Variants in ANKRD31 observed in about 807,000 individuals in gnomAD.
The protein encoded by ANKRD31 is ankyrin repeat domain 31, also known as ankyrin repeat domain-containing protein 31.
ANKRD31 carries 147 observed loss-of-function variants against 186.0 expected under a neutral mutation model. That is an observed-to-expected ratio of 0.79 (90% confidence interval 0.69 to 0.91). The LOEUF is 0.91. ANKRD31 is among the 40% of genes least tolerant of loss of function. The pLI, the probability that ANKRD31 is intolerant of heterozygous loss-of-function variation, is 0.00. For missense variants in ANKRD31, 1,986 were observed against 2,148.8 expected (o/e 0.92, Z 1.50); for synonymous variants, 673 against 736.4 (o/e 0.91, Z 1.39).
rs1322189746 is a variant in ANKRD31 at position 75,104,770 on chromosome 5, T to C, written c.4789A>G (p.Thr1597Ala). Residue 1597 changes from threonine to alanine, a missense_variant, in exon 22 of 26, where the codon ACA (threonine) becomes GCA (alanine). Physicochemically the swap from Thr to Ala is moderately conservative, Grantham distance 58 (BLOSUM62 0). Coordinates refer to ENST00000506364, the MANE Select transcript of ANKRD31 (RefSeq NM_001372053.1). ...GFPKSRHSDG[T>A]EKNKLPSQPV... The stretch of plus-strand genomic sequence containing the variant: ...TGGGATGGTAATTTATTCTTCTCTG[T>C]GCCATCTGAATGTCTGGATTTTGGA... The C allele has an allele frequency of 5.9e-6, 9 of 1,537,142 alleles. No individual in the cohort carries two copies. Among genetic ancestry groups the C allele is most frequent in the Non-Finnish European group, 7.8e-6 (9 of 1,146,900 alleles).
chr5:75,076,170 A>C (rs1468480387), intron 25 of ANKRD31, among the ~76,000 whole-genome samples: 1 of 152,136 alleles, frequency 6.6e-6, no homozygotes, highest in African/African-American at 2.4e-5. Context: ...CTACAATTCA[A>C]TTTAATTCTG....
intron 25 of ANKRD31, among the ~76,000 whole-genome samples, chr5:75,070,952 A>G (rs1744179786): frequency 6.6e-6 from 1 of 152,188 alleles, no homozygotes; most frequent in African/African-American, 2.4e-5. Context: ...GTCTGCATTG[A>G]TTTGGTCAAA....
chr5:75,118,709 TTTAA>T (rs1229931085), intron 17 of ANKRD31, among the ~76,000 whole-genome samples: 6 of 152,180 alleles, frequency 3.9e-5, no homozygotes, highest in Non-Finnish European at 7.3e-5. Flanking sequence ...CAATTTTTTA[TTTAA>T]TTAATTTAAA....
intron 17 of ANKRD31, among the ~76,000 whole-genome samples, chr5:75,127,873 C>T (rs184509155): frequency 5.5e-4 from 83 of 152,112 alleles, no homozygotes; most frequent in Non-Finnish European, 8.7e-4. Flanking sequence ...AACATTTACC[C>T]CCAATTATTT....
chr5:75,112,392 T>A (rs1364242211), intron 20 of ANKRD31, 121 bp downstream of exon 20: 2 of 587,884 alleles, frequency 3.4e-6, no homozygotes, highest in African/African-American at 3.8e-5. Flanking sequence ...CTTTAAATAC[T>A]CTCACATAAA....
chr5:75,230,543 TGAAAA>T lies in ANKRD31; in HGVS notation c.178+14_178+18del. ...CTGGGAAACTAAAGGGACTACTTAA[TGAAAA>T]GAATCATTCTCACCTTTGCACATTC... On this transcript the variant is annotated intron_variant, in intron 2 of 25. Coordinates refer to ENST00000506364, the MANE Select transcript of ANKRD31 (RefSeq NM_001372053.1). The T allele has an allele frequency of 6.6e-7, 1 of 1,524,600 alleles. No homozygotes were observed. The allele number at this position is 1,524,600 out of a possible 1,614,324, so 94.4% of individuals were successfully genotyped here. A position where few individuals can be genotyped will look rare whatever the true frequency, so the allele number is the denominator to read the frequency against.
At chr5:75,139,074 A>G in intron 15 of ANKRD31, 91 bp from the exon 16 acceptor site, 1 of 1,323,018 alleles carries the variant, frequency 7.6e-7, no homozygotes, top group East Asian at 2.5e-5. Context: ...TCCTCAAAAT[A>G]CCACACTACA....
chr5:75,185,572 A>G (rs1260965376), intron 10 of ANKRD31, among the ~76,000 whole-genome samples: 3 of 152,000 alleles, frequency 2.0e-5, no homozygotes, highest in Non-Finnish European at 4.4e-5. Flanking sequence ...CACACACACA[A>G]AAGAAATGAA....
At chr5:75,084,241 A>T (rs1745305865) in intron 24 of ANKRD31, 31 bp downstream of exon 24, 2 of 1,477,088 alleles carry the variant, frequency 1.4e-6, no homozygotes. Flanking sequence ...TTTATCCCAC[A>T]ACGAAGAAAT....
At chr5:75,172,376 A>AC (rs984683356) in intron 10 of ANKRD31, among the ~76,000 whole-genome samples, 2 of 151,788 alleles carry the variant, frequency 1.3e-5, no homozygotes, top group Admixed American at 6.6e-5. Context: ...AAAAAAAAAA[A>AC]AACTCTGTAA....
intron 23 of ANKRD31, among the ~76,000 whole-genome samples, chr5:75,086,161 A>G (rs1745465459): frequency 6.6e-6 from 1 of 152,226 alleles, no homozygotes; most frequent in Non-Finnish European, 1.5e-5. Context: ...GTTCTCACCT[A>G]TATCTCAGAC....
chr5:75,113,779 T>C (rs138826642), intron 19 of ANKRD31, among the ~76,000 whole-genome samples: 7 of 152,296 alleles, frequency 4.6e-5, no homozygotes, highest in African/African-American at 1.7e-4. Flanking sequence ...AGTGAAATTA[T>C]AAAATACAAA....
At position 75,146,731 on chromosome 5, in the gene ANKRD31, C is replaced by T. The variant is rs200057781; in HGVS notation, c.2680G>A (p.Val894Ile). 3.5e-4 allele frequency: 540 copies of T among 1,536,214 alleles called. 3 individuals carry two copies. Among genetic ancestry groups the T allele is most frequent in the Non-Finnish European group, 1.3e-4 (146 of 1,146,300 alleles). The part of the protein sequence containing the change: ...NKWENSFLSF[V>I]KENSDNDDDD... ...TCATCATTATCAGAATTTTCCTTTA[C>T]AAAGGATAGGAAAGAATTTTCCCAT... Residue 894 changes from valine (V) to isoleucine (I), a missense_variant, in exon 14 of 26, where the codon GTA (valine) becomes ATA (isoleucine). Val to Ile is a conservative substitution (Grantham distance 29). Transcript: ENST00000506364.
chr5:75,155,449 A>C (rs1459208513), intron 11 of ANKRD31, among the ~76,000 whole-genome samples: 4 of 152,200 alleles, frequency 2.6e-5, no homozygotes, highest in Admixed American at 1.3e-4. Flanking sequence ...ATAGTTTACT[A>C]TGTGAACATA....
intron 3 of ANKRD31, among the ~76,000 whole-genome samples, chr5:75,214,282 G>A (rs148200379): frequency 6.6e-6 from 1 of 152,230 alleles, no homozygotes; most frequent in African/African-American, 2.4e-5. Context: ...AGGTGCTAAA[G>A]CCCCATTTTC....
chr5:75,199,626 C>T lies in ANKRD31; in HGVS notation c.447+5G>A. 6.5e-7 allele frequency: 1 copy of T among 1,529,182 alleles called. No individual in the cohort carries two copies. The highest frequency in any genetic ancestry group is 1.4e-5 in the African/African-American group (1 of 72,720). 94.7% of individuals were successfully genotyped at this position (1,529,182 alleles called of 1,614,324 possible). A position where few individuals can be genotyped will look rare whatever the true frequency, so the allele number is the denominator to read the frequency against. ...ACATAGTTAATTTCTGTTATACAGACCAACCTTTTCTATGTGTGGCAAAAC... is the reference window on the plus strand; with the variant it reads ...ACATAGTTAATTTCTGTTATACAGATCAACCTTTTCTATGTGTGGCAAAAC... On this transcript the variant is annotated splice_donor_5th_base_variant and intron_variant, in intron 6 of 25. Coordinates refer to ENST00000506364, the MANE Select transcript of ANKRD31 (RefSeq NM_001372053.1).
intron 3 of ANKRD31, among the ~76,000 whole-genome samples, chr5:75,215,724 AT>A (rs1756921070): frequency 1.3e-5 from 2 of 152,054 alleles, no homozygotes; most frequent in Admixed American, 1.3e-4. Flanking sequence ...AAATATCAAT[AT>A]TGGTATCTGT....
intron 7 of ANKRD31, 82 bp downstream of exon 7, chr5:75,195,549 C>G: frequency 8.2e-7 from 1 of 1,217,592 alleles, no homozygotes; most frequent in Non-Finnish European, 1.1e-6. Context: ...ACTTGCTCCA[C>G]TGAAAGATGC....
Position 75,077,781 on chromosome 5 carries a change from T to C in ANKRD31, c.5647+2787A>G, listed in dbSNP as rs183602810. 2.7e-3 allele frequency among the ~76,000 whole-genome samples: 405 copies of C among 151,638 alleles called. 5 individuals are homozygous for C. The highest frequency in any genetic ancestry group is 0.02 in the Admixed American group (307 of 15,242). ...TCTACTAAAAATACGAAAAATTAGC[T>C]GGGCGTGGTGGCAGGTGCCTGTAGT... On this transcript the variant is annotated intron_variant, in intron 25 of 25. Transcript: ENST00000506364.
Sources: gnomAD v4.1 joint callset for allele counts (sites outside exome capture counted in the v4.1 genomes callset) on GRCh38, gnomAD v4.1.1 for gene constraint, MANE v1.5 for transcripts, NCBI Gene and HGNC (gene_info 2026-07-23, HGNC 2026-07-21) for gene names.